The following DRC11 variants were observed in gnomAD, a reference collection of about 807,000 sequenced individuals.
DRC11 encodes the protein IQ and AAA domain-containing protein 1.
chr2:236,497,732 T>C, the DRC11 span, among the ~76,000 whole-genome samples: 67 of 152,330 alleles, frequency 4.4e-4, no homozygotes, highest in East Asian at 1.2e-3. The surrounding 1 kb of genome is among the most constrained non-coding windows in gnomAD (Gnocchi z 5.1). Context: ...CTAAATGATA[T>C]AAAGTTGTTC....
chr2:236,358,101 AAT>A, the DRC11 span, among the ~76,000 whole-genome samples: 7 of 121,164 alleles, frequency 5.8e-5, no homozygotes, highest in East Asian at 2.5e-4. Context: ...ATACCATATG[AAT>A]ATATATTATA....
chr2:236,427,876 A>G, the DRC11 span, among the ~76,000 whole-genome samples: 1 of 152,130 alleles, frequency 6.6e-6, no homozygotes, highest in Non-Finnish European at 1.5e-5. The surrounding 1 kb of genome is among the most constrained non-coding windows in gnomAD (Gnocchi z 5.9). Context: ...TTATTGCTAG[A>G]AATTTCCCTC....
At chr2:236,347,251 G>A in the DRC11 span, among the ~76,000 whole-genome samples, 4 of 152,066 alleles carry the variant, frequency 2.6e-5, no homozygotes, top group African/African-American at 9.7e-5. Flanking sequence ...GGCATGATCA[G>A]GGAACATTTT....
the DRC11 span, chr2:236,408,653 C>A: frequency 4.2e-6 from 3 of 720,620 alleles, no homozygotes; most frequent in Non-Finnish European, 7.7e-6. This position sits in a 1 kb window ranked among gnomAD's most constrained non-coding sequence, Gnocchi z 5.5. Flanking sequence ...TCTTGCCATC[C>A]ATATTCTGCC....
At chr2:236,484,432 G>T in the DRC11 span, among the ~76,000 whole-genome samples, 1 of 152,006 alleles carries the variant, frequency 6.6e-6, no homozygotes, top group Non-Finnish European at 1.5e-5. Context: ...AACAATCATG[G>T]TGTTCATATT....
chr2:236,451,726 C>A, the DRC11 span, among the ~76,000 whole-genome samples: 2 of 152,010 alleles, frequency 1.3e-5, no homozygotes, highest in African/African-American at 2.4e-5. Context: ...AAGCTTTACA[C>A]CCGATAAAGA....
At chr2:236,347,998 G>A in the DRC11 span, among the ~76,000 whole-genome samples, 2 of 152,156 alleles carry the variant, frequency 1.3e-5, no homozygotes, top group South Asian at 2.1e-4. Context: ...CAAGCCGGGC[G>A]CTTTGCCCCC....
At chr2:236,322,229 C>CTTTT in the DRC11 span, among the ~76,000 whole-genome samples, 147 of 98,542 alleles carry the variant, frequency 1.5e-3, 1 homozygote, top group African/African-American at 2.7e-3. Context: ...TTTCTTTCCT[C>CTTTT]TTTTTTTTTT....
At chr2:236,355,280 C>T in the DRC11 span, among the ~76,000 whole-genome samples, 2 of 152,232 alleles carry the variant, frequency 1.3e-5, no homozygotes, top group Admixed American at 1.3e-4. Context: ...GTGTGGCCCA[C>T]TGTGGGGCGG....
chr2:236,478,044 T>C, the DRC11 span, among the ~76,000 whole-genome samples: 3,794 of 151,778 alleles, frequency 0.025, 61 homozygotes, highest in Middle Eastern at 0.052. The surrounding 1 kb of genome is among the most constrained non-coding windows in gnomAD (Gnocchi z 5.9). Flanking sequence ...TTAGTCTCAA[T>C]TTCATTTATT....
the DRC11 span, among the ~76,000 whole-genome samples, chr2:236,468,383 T>C: frequency 3.3e-5 from 5 of 152,180 alleles, no homozygotes; most frequent in Non-Finnish European, 7.3e-5. Flanking sequence ...TGAACGACCA[T>C]GCCCGGCTGA....
At chr2:236,327,227 G>A in the DRC11 span, among the ~76,000 whole-genome samples, 1 of 152,284 alleles carries the variant, frequency 6.6e-6, no homozygotes, top group East Asian at 1.9e-4. Flanking sequence ...AAAGAAGCAG[G>A]TATTATCATT....
chr2:236,432,724 A>C, the DRC11 span, among the ~76,000 whole-genome samples: 16 of 152,068 alleles, frequency 1.1e-4, no homozygotes, highest in African/African-American at 3.6e-4. Context: ...TCCCTTACTC[A>C]GGGGTCATTG....
At chr2:236,453,213 T>C in the DRC11 span, among the ~76,000 whole-genome samples, 1 of 152,180 alleles carries the variant, frequency 6.6e-6, no homozygotes. This position sits in a 1 kb window ranked among gnomAD's most constrained non-coding sequence, Gnocchi z 4.9. Context: ...TGTTCAGTCA[T>C]TTACATTTGA....
chr2:236,499,000 C>T, the DRC11 span, among the ~76,000 whole-genome samples: 4 of 152,156 alleles, frequency 2.6e-5, no homozygotes, highest in African/African-American at 9.7e-5. Flanking sequence ...CGAAAAATGT[C>T]AGTATCTCTC....
the DRC11 span, among the ~76,000 whole-genome samples, chr2:236,327,277 G>C: frequency 6.6e-6 from 1 of 152,248 alleles, no homozygotes; most frequent in South Asian, 2.1e-4. Flanking sequence ...TTGTTTTTGA[G>C]ACAGAGTCTT....
At chr2:236,344,342 C>G in the DRC11 span, among the ~76,000 whole-genome samples, 1 of 152,224 alleles carries the variant, frequency 6.6e-6, no homozygotes, top group African/African-American at 2.4e-5. Context: ...CCCCTTTCTT[C>G]CACACTTTCT....
the DRC11 span, among the ~76,000 whole-genome samples, chr2:236,502,632 C>T: frequency 2.8e-5 from 4 of 141,150 alleles, no homozygotes; most frequent in Admixed American, 1.4e-4. Flanking sequence ...AAAGCAGAAA[C>T]CCATTCACAG....
At chr2:236,494,101 T>A in the DRC11 span, among the ~76,000 whole-genome samples, 2 of 152,228 alleles carry the variant, frequency 1.3e-5, no homozygotes, top group Non-Finnish European at 2.9e-5. The surrounding 1 kb of genome is among the most constrained non-coding windows in gnomAD (Gnocchi z 4.2). Context: ...TGCCCCTTGC[T>A]TTAATCATTA....
Sources: gnomAD v4.1 joint callset for allele counts (sites outside exome capture counted in the v4.1 genomes callset) on GRCh38, gnomAD v4.1.1 for gene constraint, Gnocchi (gnomAD v3.1) non-coding constraint, MANE v1.5 for transcripts, NCBI Gene and HGNC (gene_info 2026-07-23, HGNC 2026-07-21) for gene names.